Variants in GRK4 observed in about 807,000 individuals in gnomAD.
GRK4 encodes G protein-coupled receptor kinase 4, also known as G protein-coupled receptor kinase 2-like.
In GRK4, 73 loss-of-function variants were observed where a neutral mutation model predicts 77.9. The observed-to-expected ratio is 0.94, with a 90% CI of 0.78 to 1.14. GRK4 has a LOEUF of 1.14. Ranked by LOEUF, GRK4 falls within the 50% of genes most tolerant of loss-of-function variation. The pLI is 0.00. For missense variants in GRK4, 729 were observed against 700.2 expected (o/e 1.04, Z -0.46); for synonymous variants, 257 against 254.4 (o/e 1.01, Z -0.10).
intron 8 of GRK4, among the ~76,000 whole-genome samples, chr4:3,019,236 A>T (rs138113464): frequency 4.4e-4 from 67 of 152,350 alleles, no homozygotes; most frequent in Non-Finnish European, 8.5e-4. Context: ...TTGACAGCAC[A>T]AAATGTTGGA....
intron 4 of GRK4, among the ~76,000 whole-genome samples, chr4:2,992,950 C>A (rs1009206956): frequency 6.6e-6 from 1 of 152,162 alleles, no homozygotes; most frequent in Non-Finnish European, 1.5e-5. Context: ...TACTGCTATG[C>A]TCTAGCCTGG....
chr4:3,035,515 T>G lies in GRK4; in HGVS notation c.1399T>G (p.Cys467Gly), dbSNP rs1740360271. The change falls in exon 13 of 16, where the codon TGT becomes GGT. Residue 467 changes from cysteine to glycine, a missense_variant. Coordinates refer to ENST00000398052, the MANE Select transcript of GRK4 (RefSeq NM_182982.3). ...LEANMLEPPF[C>G]PDPHAVYCKD... is the part of the protein sequence containing the mutation. ...GGCAAACATGCTGGAGCCCCCTTTCTGTCCTGATGTAAGTGCATTGCCAGG... is the reference window on the plus strand; with the variant it reads ...GGCAAACATGCTGGAGCCCCCTTTCGGTCCTGATGTAAGTGCATTGCCAGG... 1 of 1,613,324 alleles carries G rather than the reference T, an allele frequency of 6.2e-7. No homozygotes were observed. Among genetic ancestry groups the G allele is most frequent in the Non-Finnish European group, 8.5e-7 (1 of 1,179,648 alleles).
At chr4:2,966,859 A>G (rs1399250104) in intron 1 of GRK4, 1 of 152,156 alleles carries the variant, frequency 6.6e-6, no homozygotes, top group Non-Finnish European at 1.5e-5. Context: ...CATTTCCTGG[A>G]TTTATTTCAA....
In GRK4 at chr4:3,029,312, AG is replaced by A. The variant is rs1253792773; in HGVS notation, c.1173del (p.Val393SerfsTer51). On this transcript the variant is annotated frameshift_variant, in exon 12 of 16. Coordinates refer to ENST00000398052, the MANE Select transcript of GRK4 (RefSeq NM_182982.3). LOFTEE classifies it high-confidence loss of function. The stretch of plus-strand genomic sequence containing the variant: ...CATTCTCCATTCAAAAAATACAAAG[AG>A]AAAGTCAAATGGGAGGAGGTCGATC... The part of the protein sequence containing the change: ...QGHSPFKKYK[E>X]KVKWEEVDQR... 6.2e-7 allele frequency: 1 copy of A among 1,614,190 alleles called. No individual in the cohort carries two copies. Among genetic ancestry groups the A allele is most frequent in the Admixed American group, 1.7e-5 (1 of 60,024 alleles).
At chr4:3,028,420 C>A (rs748077432) in intron 11 of GRK4, among the ~76,000 whole-genome samples, 8 of 152,204 alleles carry the variant, frequency 5.3e-5, no homozygotes, top group Non-Finnish European at 1.2e-4. Context: ...CTCGCAGAGT[C>A]CTGCAGGAAG....
At chr4:3,012,653 C>G (rs1733230274) in intron 7 of GRK4, among the ~76,000 whole-genome samples, 1 of 152,148 alleles carries the variant, frequency 6.6e-6, no homozygotes, top group South Asian at 2.1e-4. Context: ...GTTGATGACA[C>G]AGAGGCACGG....
At chr4:3,008,787 A>G (rs1193346474) in intron 6 of GRK4, among the ~76,000 whole-genome samples, 2 of 150,588 alleles carry the variant, frequency 1.3e-5, no homozygotes, top group African/African-American at 4.9e-5. Flanking sequence ...TGGGCAACAC[A>G]GCAAGACTCT....
At chr4:3,002,110 A>G (rs1729986436) in intron 4 of GRK4, among the ~76,000 whole-genome samples, 1 of 152,122 alleles carries the variant, frequency 6.6e-6, no homozygotes, top group African/African-American at 2.4e-5. Flanking sequence ...AAATGCTTGC[A>G]TCTTTTTGAG....
chr4:3,029,246 G>A lies in GRK4; in HGVS notation c.1106G>A (p.Trp369Ter). The A allele has an allele frequency of 6.2e-7, 1 of 1,613,998 alleles. No homozygotes were observed. The highest frequency in any genetic ancestry group is 8.5e-7 in the Non-Finnish European group (1 of 1,179,860). ...GAAAAGTATACGTTTAGTCCCGATT[G>A]GTGGGGACTTGGCTGTCTGATCTAT... ...NNEKYTFSPDWWGLGCLIYEM... is the reference protein window; with the variant it reads ...NNEKYTFSPD The change falls in exon 12 of 16, where the codon TGG (tryptophan) becomes TAG (stop). Residue 369 changes from tryptophan (W) to a stop codon, truncating the protein, a stop_gained. Transcript: ENST00000398052. LOFTEE classifies it high-confidence loss of function.
At position 3,023,443 on chromosome 4, in the gene GRK4, C is replaced by T. The variant is rs565187799; in HGVS notation, c.970+992C>T. On this transcript the variant is annotated intron_variant, in intron 10 of 15. Transcript: ENST00000398052. ...TCAGTGGCTCCTGCCGAGAAGAGGA[C>T]AGGCGTCTAAGGCGGAGATTGAGGG... is the stretch of plus-strand genomic sequence containing the variant. Among the ~76,000 whole-genome samples the T allele has an allele frequency of 1.8e-4, 28 of 152,312 alleles. No individual in the cohort carries two copies. In the East Asian group the frequency reaches 5.0e-3, roughly 27 times the overall value.
intron 1 of GRK4, chr4:2,965,804 G>GGGCCGGGCGCGGTGGCTCACGCCTGTAA: frequency 3.3e-6 from 1 of 307,472 alleles, no homozygotes; most frequent in Non-Finnish European, 6.3e-6. Flanking sequence ...TAATCAGGGA[G>GGGCCGGGCGCGGTGGCTCACGCCTGTAA]TCCCAGAGCA....
intron 13 of GRK4, among the ~76,000 whole-genome samples, 180 bp downstream of exon 13, chr4:3,035,703 G>A (rs1032329773): frequency 1.3e-5 from 2 of 151,942 alleles, no homozygotes; most frequent in Non-Finnish European, 2.9e-5. Flanking sequence ...GATTATAGGC[G>A]TGAGCCACTG....
intron 1 of GRK4, among the ~76,000 whole-genome samples, chr4:2,964,939 G>T (rs1248151695): frequency 6.6e-6 from 1 of 151,606 alleles, no homozygotes; most frequent in Admixed American, 6.6e-5. Context: ...CAGAGCAGGG[G>T]TGAAGAAAAA....
At chr4:2,999,884 G>A (rs1482103139) in intron 4 of GRK4, among the ~76,000 whole-genome samples, 1 of 152,166 alleles carries the variant, frequency 6.6e-6, no homozygotes, top group Non-Finnish European at 1.5e-5. Flanking sequence ...TCAAATACTG[G>A]TAAGGGTCTA....
At chr4:2,965,152 C>G (rs559802622) in intron 1 of GRK4, 1 of 629,394 alleles carries the variant, frequency 1.6e-6, no homozygotes, top group East Asian at 2.7e-5. Flanking sequence ...AGTCTTTGTT[C>G]AAGGCTCAGC....
chr4:3,013,594 C>A, intron 7 of GRK4, 94 bp from the exon 8 acceptor site: 1 of 1,429,814 alleles, frequency 7.0e-7, no homozygotes, highest in Non-Finnish European at 9.5e-7. Context: ...CTGGTCTCTG[C>A]CAGTGAGGGT....
At chr4:2,967,848 AATCGTG>A (rs1718245023) in intron 1 of GRK4, among the ~76,000 whole-genome samples, 1 of 151,492 alleles carries the variant, frequency 6.6e-6, no homozygotes, top group African/African-American at 2.4e-5. Context: ...GCAATGGCGC[AATCGTG>A]ATCTCGGCTC....
intron 1 of GRK4, among the ~76,000 whole-genome samples, chr4:2,968,097 G>GT (rs35715694): frequency 0.055 from 7,920 of 145,212 alleles, 280 homozygotes; most frequent in South Asian, 0.092. Flanking sequence ...GGCCTGTTTT[G>GT]TTTTTTTTTT....
chr4:3,021,422 G>A (rs2109989821), intron 9 of GRK4, among the ~76,000 whole-genome samples: 1 of 152,326 alleles, frequency 6.6e-6, no homozygotes, highest in East Asian at 1.9e-4. Flanking sequence ...CAGACGATGA[G>A]CTTCTTGGGA....
Sources: allele counts gnomAD v4.1 joint callset (sites outside exome capture counted in the v4.1 genomes callset), GRCh38; gene constraint gnomAD v4.1.1; transcripts MANE v1.5; gene names NCBI Gene and HGNC (gene_info 2026-07-23, HGNC 2026-07-21).